Variants in CTSC observed in about 807,000 individuals in gnomAD.
The protein encoded by CTSC is dipeptidyl peptidase 1.
A neutral mutation model predicts 40.9 loss-of-function variants in CTSC; 37 were observed. That is an observed-to-expected ratio of 0.91 (90% CI 0.70 to 1.19). The LOEUF (loss-of-function observed/expected upper bound fraction) is 1.19. CTSC is among the 50% of genes most tolerant of loss of function. CTSC has a pLI of 0.00. For synonymous variants in CTSC, 232 were observed against 207.4 expected (o/e 1.12, Z -1.02); for missense variants, 594 against 567.3 (o/e 1.05, Z -0.48).
At chr11:88,334,909 T>C (rs1482760363) in intron 2 of CTSC, 28 bp downstream of exon 2, 2 of 1,558,804 alleles carry the variant, frequency 1.3e-6, no homozygotes, top group East Asian at 4.5e-5. Flanking sequence ...TCATTGAAAA[T>C]GTAAATCCAA....
At chr11:88,334,881 G>A in intron 2 of CTSC, 56 bp downstream of exon 2, 3 of 1,304,542 alleles carry the variant, frequency 2.3e-6, no homozygotes, top group South Asian at 2.4e-5. Context: ...CTAATCAGAA[G>A]AGGTTTCAGA....
chr11:88,304,365 C>G (rs1937610317), intron 4 of CTSC, among the ~76,000 whole-genome samples: 1 of 152,076 alleles, frequency 6.6e-6, no homozygotes, highest in Non-Finnish European at 1.5e-5. Flanking sequence ...ATTAACAGGA[C>G]TAAATAAGAT....
rs587777532 is a variant in CTSC, at chr11:88,294,341, CA to C, written c.1056del (p.Tyr352Ter). ...SSEYHYVGGF[Y>X]GGCNEALMKL... ...TTCATCAGGGCTTCATTGCAGCCTC[CA>C]TAGAAACCTCCTACATAGTGGTACT... On this transcript the variant is annotated frameshift_variant, in exon 7 of 7. Transcript: ENST00000227266. LOFTEE classifies it high-confidence loss of function. 4 of 1,614,018 alleles carry C rather than the reference CA, an allele frequency of 2.5e-6. No homozygotes were observed. Among genetic ancestry groups the C allele is most frequent in the Non-Finnish European group, 2.5e-6 (3 of 1,180,034 alleles).
intron 4 of CTSC, among the ~76,000 whole-genome samples, chr11:88,304,515 TTAA>T (rs1373800071): frequency 2.3e-4 from 35 of 152,284 alleles, no homozygotes; most frequent in African/African-American, 8.4e-4. Flanking sequence ...GAACTGAGGC[TTAA>T]TGATGTTGTC....
In CTSC at chr11:88,335,065, C is replaced by CTT; in HGVS notation, c.188_189dup (p.Val64LysfsTer2). 1 of 1,577,986 alleles carries CTT rather than the reference C, an allele frequency of 6.3e-7. No homozygotes were observed. Among genetic ancestry groups the CTT allele is most frequent in the Non-Finnish European group, 8.7e-7 (1 of 1,150,452 alleles). On this transcript the variant is annotated frameshift_variant, in exon 2 of 7. Coordinates refer to ENST00000227266, the MANE Select transcript of CTSC (RefSeq NM_001814.6). LOFTEE classifies it high-confidence loss of function. ...TCCAGCTTCTGAAGGTACACCACTA[C>CTT]TTTTTTTTCTTGTGGTCCTAAAGAA...
At position 88,334,970 on chromosome 11, in the gene CTSC, C is replaced by T. The variant is rs772968092; in HGVS notation, c.285G>A (p.Val95=). ...AGGCAAACCACTTGTAGTCATTCAA[C>T]ACAATCTCAAAGCCTTGGTTGTAAA... is the stretch of plus-strand genomic sequence containing the variant. ...TIIYNQGFEI[V]LNDYKWFAFF... Residue 95 remains valine, a synonymous_variant, in exon 2 of 7, where the codon GTG becomes GTA. Coordinates refer to ENST00000227266, the MANE Select transcript of CTSC (RefSeq NM_001814.6). 3 of 1,612,678 alleles carry T rather than the reference C, an allele frequency of 1.9e-6. No individual in the cohort carries two copies. Among genetic ancestry groups the T allele is most frequent in the African/African-American group, 2.7e-5 (2 of 74,780 alleles).
At chr11:88,326,200 A>G (rs1199341097) in intron 2 of CTSC, 2 of 1,373,594 alleles carry the variant, frequency 1.5e-6, no homozygotes, top group South Asian at 2.0e-5. Flanking sequence ...TCACATTCCA[A>G]AATGATGTTT....
At chr11:88,302,287 GT>G (rs1944373658) in intron 4 of CTSC, among the ~76,000 whole-genome samples, 1 of 152,128 alleles carries the variant, frequency 6.6e-6, no homozygotes, top group East Asian at 1.9e-4. Flanking sequence ...TCCACAAATG[GT>G]CCCGTCTCTC....
At chr11:88,333,701 CA>C (rs5793314) in intron 2 of CTSC, among the ~76,000 whole-genome samples, 41,315 of 151,704 alleles carry the variant, frequency 0.27, 6,626 homozygotes, top group East Asian at 0.56. Flanking sequence ...ATGTTTTTTA[CA>C]AAAAAAATGC....
chr11:88,311,960 A>T (rs1277826277), intron 3 of CTSC, among the ~76,000 whole-genome samples: 1 of 152,238 alleles, frequency 6.6e-6, no homozygotes, highest in Non-Finnish European at 1.5e-5. Context: ...CAGCCCTCGC[A>T]AACCAACAGG....
intron 4 of CTSC, among the ~76,000 whole-genome samples, chr11:88,305,314 G>A (rs1010747057): frequency 6.6e-6 from 1 of 152,058 alleles, no homozygotes; most frequent in Admixed American, 6.5e-5. Flanking sequence ...TTGAGGACTC[G>A]CCCTAAATTC....
At chr11:88,330,258 T>C (rs1192307978) in intron 2 of CTSC, among the ~76,000 whole-genome samples, 4 of 152,170 alleles carry the variant, frequency 2.6e-5, no homozygotes, top group African/African-American at 7.2e-5. Flanking sequence ...AATGCTTAGA[T>C]ACCCACCCAC....
chr11:88,312,639 A>G, intron 2 of CTSC, 85 bp from the exon 3 acceptor site: 1 of 1,391,610 alleles, frequency 7.2e-7, no homozygotes, highest in Non-Finnish European at 9.6e-7. Context: ...TTCACAGTAA[A>G]TGTGCCCCTT....
In CTSC at chr11:88,309,247, G is replaced by A; in HGVS notation, c.557C>T (p.Thr186Ile). ...KAINAIQKSW[T>I]ATTYMEYETL... ...CTCATATTCCATGTATGTAGTTGCA[G>A]TCCAAGACTTCTGAATGGCATTGAT... The change falls in exon 4 of 7, where the codon ACT becomes ATT. Residue 186 changes from threonine (T) to isoleucine (I), a missense_variant. By Grantham distance (89) the Thr-to-Ile change is moderately conservative. Transcript: ENST00000227266. 1 of 1,613,644 alleles carries A rather than the reference G, an allele frequency of 6.2e-7. No individual in the cohort carries two copies. The highest frequency in any genetic ancestry group is 8.5e-7 in the Non-Finnish European group (1 of 1,179,568).
rs370256893 is a variant in CTSC at position 88,337,652 on chromosome 11, C to T, written c.21G>A (p.Leu7=). Reference sequence around the variant, plus strand: ...GAAGCAGCAGGAGGGCGGCGAGCAGCAAGGAGGGCCCAGCACCCATGCTGC... The same window carrying T: ...GAAGCAGCAGGAGGGCGGCGAGCAGTAAGGAGGGCCCAGCACCCATGCTGC... MGAGPS[L]LLAALLLLLS... The change falls in exon 1 of 7, where the codon TTG becomes TTA. Residue 7 remains leucine, a synonymous_variant. Transcript: ENST00000227266. 18 of 1,580,944 alleles carry T rather than the reference C, an allele frequency of 1.1e-5. No individual in the cohort carries two copies. The African/African-American group carries it at 2.3e-4, about 20-fold the overall frequency.
At chr11:88,312,297 T>C (rs1937779799) in intron 3 of CTSC, 91 bp downstream of exon 3, 1 of 1,229,558 alleles carries the variant, frequency 8.1e-7, no homozygotes, top group African/African-American at 1.5e-5. Flanking sequence ...AGATATTTTG[T>C]ATAATCAAAC....
At chr11:88,334,428 C>T (rs1440835456) in intron 2 of CTSC, among the ~76,000 whole-genome samples, 1 of 152,120 alleles carries the variant, frequency 6.6e-6, no homozygotes, top group African/African-American at 2.4e-5. Context: ...GGAGTAACTC[C>T]TAGGTTCTCT....
intron 5 of CTSC, 87 bp from the exon 6 acceptor site, chr11:88,296,351 T>A (rs1386666737): frequency 7.4e-6 from 11 of 1,492,040 alleles, no homozygotes; most frequent in Non-Finnish European, 1.0e-5. Context: ...TCACATACAT[T>A]AATGTTTATA....
At chr11:88,333,711 G>A (rs1565266366) in intron 2 of CTSC, among the ~76,000 whole-genome samples, 1 of 152,240 alleles carries the variant, frequency 6.6e-6, no homozygotes, top group South Asian at 2.1e-4. Flanking sequence ...CAAAAAAAAT[G>A]CGTAGCATCT....
Sources: allele counts gnomAD v4.1 joint callset (sites outside exome capture counted in the v4.1 genomes callset), GRCh38; gene constraint gnomAD v4.1.1; transcripts MANE v1.5; gene names NCBI Gene and HGNC (gene_info 2026-07-23, HGNC 2026-07-21).